The following RNF19A variants were observed in gnomAD, a reference collection of about 807,000 sequenced individuals.
RNF19A encodes the protein ring finger protein 19A, RBR E3 ubiquitin protein ligase.
In RNF19A, 32 loss-of-function variants were observed where a neutral mutation model predicts 75.7. The observed-to-expected ratio is 0.42, with a 90% CI of 0.32 to 0.57. The LOEUF (loss-of-function observed/expected upper bound fraction) is 0.57, where lower values mean the gene tolerates loss of function less well. Among genes scored for constraint, RNF19A ranks in the 20% least tolerant of loss-of-function variants. The pLI is 0.10. For synonymous variants in RNF19A, 335 were observed against 345.2 expected, an observed-to-expected ratio of 0.97 and a Z score of 0.33; for missense variants, 782 against 1,036.3, an observed-to-expected ratio of 0.75 and a Z score of 3.37.
At position 100,261,524 on chromosome 8, in the gene RNF19A, C is replaced by T. The variant is rs772252291; in HGVS notation, c.1682+18G>A. On this transcript the variant is annotated intron_variant, in intron 8 of 9. Coordinates refer to ENST00000341084, the MANE Select transcript of RNF19A (RefSeq NM_183419.4). This position sits in a 1 kb window ranked among gnomAD's most constrained non-coding sequence, Gnocchi z 4.4. ...GTAGTTACCAGAAAGCAGAACCAAA[C>T]CAAACCAAAACACACACCTGTTAAA... 4.3e-6 allele frequency: 7 copies of T among 1,611,186 alleles called. No individual in the cohort carries two copies. In the Admixed American group the frequency reaches 1.0e-4, roughly 23 times the overall value.
intron 1 of RNF19A, among the ~76,000 whole-genome samples, chr8:100,298,976 A>G (rs967843686): frequency 9.2e-5 from 14 of 152,220 alleles, no homozygotes; most frequent in African/African-American, 2.9e-4. Context: ...AGGTTTAAAA[A>G]AGATACCTAG....
In RNF19A at chr8:100,287,974, T is replaced by A; in HGVS notation, c.201A>T (p.Ile67=). Residue 67 remains isoleucine (I), a synonymous_variant, in exon 2 of 10, where the codon ATA becomes ATT. Coordinates refer to ENST00000341084, the MANE Select transcript of RNF19A (RefSeq NM_183419.4). The surrounding 1 kb of genome is among the most constrained non-coding windows in gnomAD (Gnocchi z 4.1). ...KKAPKKRRIS[I]GSLFRRKKDN... ...CTTTTTTCCTCCGAAACAGGGAGCC[T>A]ATTGAAATTCTTCTTTTTTTGGGTG... The A allele has an allele frequency of 6.2e-7, 1 of 1,614,200 alleles. No individual in the cohort carries two copies. Among genetic ancestry groups the A allele is most frequent in the South Asian group, 1.1e-5 (1 of 91,088 alleles).
chr8:100,292,512 G>A (rs1411071789), intron 1 of RNF19A, among the ~76,000 whole-genome samples: 1 of 150,492 alleles, frequency 6.6e-6, no homozygotes, highest in African/African-American at 2.5e-5. Context: ...TTCCAATGTA[G>A]AAATTTCAAA....
chr8:100,286,799 T>C lies in RNF19A; in HGVS notation c.674+702A>G, dbSNP rs576998030. On this transcript the variant is annotated intron_variant, in intron 2 of 9. Coordinates refer to ENST00000341084, the MANE Select transcript of RNF19A (RefSeq NM_183419.4). ...CATTAATTGTTTGTGGCTTTTACTA[T>C]TCCTGAATAGTATATGACTACTGTT... 4.6e-5 allele frequency among the ~76,000 whole-genome samples: 7 copies of C among 152,344 alleles called. No individual in the cohort carries two copies. In the East Asian group the frequency reaches 5.8e-4, roughly 13 times the overall value.
rs1400652015 is a variant in RNF19A, at chr8:100,317,823, A to G, written c.-242-4451T>C. ...ATGTGGCAGCTTGCTCAGGACACTCATGGCTTACACCTATTGTGGGGACCT... is the reference window on the plus strand; with the variant it reads ...ATGTGGCAGCTTGCTCAGGACACTCGTGGCTTACACCTATTGTGGGGACCT... On this transcript the variant is annotated intron_variant, in intron 1 of 3. Coordinates refer to the RNF19A transcript ENST00000519527. This position sits in a 1 kb window ranked among gnomAD's most constrained non-coding sequence, Gnocchi z 4.3. 2.0e-5 allele frequency among the ~76,000 whole-genome samples: 3 copies of G among 152,236 alleles called. No individual in the cohort carries two copies. Among genetic ancestry groups the G allele is most frequent in the African/African-American group, 7.2e-5 (3 of 41,450 alleles).
chr8:100,326,326 TTG>T (rs1002842809), intron 1 of RNF19A, among the ~76,000 whole-genome samples: 2 of 152,182 alleles, frequency 1.3e-5, no homozygotes, highest in Admixed American at 1.3e-4. Context: ...TATTCATTTC[TTG>T]TTGATTCCAG....
intron 3 of RNF19A, among the ~76,000 whole-genome samples, chr8:100,271,807 T>C (rs889268740): frequency 6.6e-6 from 1 of 152,154 alleles, no homozygotes. Flanking sequence ...GTGCACATTA[T>C]AGGATGATAT....
At chr8:100,336,045 T>C (rs1456346126) in intron 1 of RNF19A, 1 of 152,182 alleles carries the variant, frequency 6.6e-6, no homozygotes, top group African/African-American at 2.4e-5. Flanking sequence ...GCTAAAGGGA[T>C]ATACAGTACA....
chr8:100,302,134 G>C (rs1478773040), intron 1 of RNF19A, among the ~76,000 whole-genome samples: 1 of 152,216 alleles, frequency 6.6e-6, no homozygotes, highest in Non-Finnish European at 1.5e-5. Flanking sequence ...TATTCTAAGT[G>C]AGACAGGGAA....
In RNF19A at chr8:100,329,709, A is replaced by G. The variant is rs576650832; in HGVS notation, c.-243+6399T>C. Among the ~76,000 whole-genome samples the G allele has an allele frequency of 2.0e-4, 31 of 152,356 alleles. No individual in the cohort carries two copies. The highest frequency in any genetic ancestry group is 6.7e-4 in the African/African-American group (28 of 41,584). On this transcript the variant is annotated intron_variant, in intron 1 of 3. Transcript: ENST00000519527. This position sits in a 1 kb window ranked among gnomAD's most constrained non-coding sequence, Gnocchi z 4.3. ...AACTGGTTGTACTTGGCTAAGAGAG[A>G]AAAGACTAGAGCAGAAATGAAGTGT...
chr8:100,269,974 A>G lies in RNF19A; in HGVS notation c.923T>C (p.Ile308Thr). Residue 308 changes from isoleucine to threonine, a missense_variant, in exon 4 of 10, where the codon ATA becomes ACA. Around this residue, in one of 7 missense-constraint regions of RNF19A, gnomAD observed 31 missense variants for 48.8 expected, o/e 0.64. Coordinates refer to ENST00000341084, the MANE Select transcript of RNF19A (RefSeq NM_183419.4). This position sits in a 1 kb window ranked among gnomAD's most constrained non-coding sequence, Gnocchi z 5.7. ...GCAGCTCCCATCATTCATCTTTATT[A>G]TATAAGCAGCACATCGTGGACATGG... is the stretch of plus-strand genomic sequence containing the variant. ...IKPCPRCAAY[I>T]IKMNDGSCNH... 6.2e-7 allele frequency: 1 copy of G among 1,608,626 alleles called. No individual in the cohort carries two copies. The highest frequency in any genetic ancestry group is 1.3e-5 in the African/African-American group (1 of 74,810).
chr8:100,259,830 A>G lies in RNF19A; in HGVS notation c.1826+24T>C, dbSNP rs374513804. ...TCCTTTAATTTAAAAAATACTTTCAATTTTTTAACAGTTTTTTCCTTACTT... is the reference window on the plus strand; with the variant it reads ...TCCTTTAATTTAAAAAATACTTTCAGTTTTTTAACAGTTTTTTCCTTACTT... On this transcript the variant is annotated intron_variant, in intron 9 of 9. Coordinates refer to ENST00000341084, the MANE Select transcript of RNF19A (RefSeq NM_183419.4). The surrounding 1 kb of genome is among the most constrained non-coding windows in gnomAD (Gnocchi z 4.5). 8 of 1,590,706 alleles carry G rather than the reference A, an allele frequency of 5.0e-6. No individual in the cohort carries two copies. Among genetic ancestry groups the G allele is most frequent in the African/African-American group, 1.4e-5 (1 of 73,906 alleles).
Position 100,287,857 on chromosome 8 carries a change from G to A in RNF19A, c.318C>T (p.Asn106=). ...SIHSEMCTDK[N]SIFSTNTSSD... is the part of the protein sequence containing the mutation. ...AAGAGGTATTTGTAGAGAAAATGGAGTTCTTATCAGTACACATTTCAGAAT... is the reference window on the plus strand; with the variant it reads ...AAGAGGTATTTGTAGAGAAAATGGAATTCTTATCAGTACACATTTCAGAAT... The change falls in exon 2 of 10, where the codon AAC becomes AAT. Residue 106 remains asparagine (N), a synonymous_variant. Transcript: ENST00000341084. The surrounding 1 kb of genome is among the most constrained non-coding windows in gnomAD (Gnocchi z 4.1). The A allele has an allele frequency of 1.2e-6, 2 of 1,614,148 alleles. No individual in the cohort carries two copies. Among genetic ancestry groups the A allele is most frequent in the South Asian group, 2.2e-5 (2 of 91,082 alleles).
At position 100,269,721 on chromosome 8, in the gene RNF19A, CATA is replaced by C. The variant is rs1337639674; in HGVS notation, c.1028+145_1028+147del. 4 of 524,474 alleles carry C rather than the reference CATA, an allele frequency of 7.6e-6. No individual in the cohort carries two copies. The highest frequency in any genetic ancestry group is 4.1e-5 in the South Asian group (1 of 24,230). 32.5% of individuals were successfully genotyped at this position (524,474 alleles called of 1,614,324 possible). ...CTAGTTATTAATTCCAAATGACTAG[CATA>C]ATAACTTGGTTTCTTTTAAATTTAT... On this transcript the variant is annotated intron_variant, in intron 4 of 9. Transcript: ENST00000341084. The surrounding 1 kb of genome is among the most constrained non-coding windows in gnomAD (Gnocchi z 5.7).
At position 100,268,912 on chromosome 8, in the gene RNF19A, C is replaced by A; in HGVS notation, c.1064G>T (p.Trp355Leu). 2 of 1,596,982 alleles carry A rather than the reference C, an allele frequency of 1.3e-6. No homozygotes were observed. Among genetic ancestry groups the A allele is most frequent in the Non-Finnish European group, 1.7e-6 (2 of 1,170,390 alleles). The change falls in exon 5 of 10, where the codon TGG (tryptophan) becomes TTG (leucine). Residue 355 changes from tryptophan to leucine, a missense_variant. Coordinates refer to ENST00000341084, the MANE Select transcript of RNF19A (RefSeq NM_183419.4). ...SGCTFWGKKPWSRKKKILWQL... is the reference protein window; with the variant it reads ...SGCTFWGKKPLSRKKKILWQL... ...CCACAATATTTTCTTCTTTCGGCTC[C>A]AGGGTTTCTTCCCCCAAAAAGTACA...
At chr8:100,279,855 G>A (rs1320910549) in intron 2 of RNF19A, among the ~76,000 whole-genome samples, 2 of 151,930 alleles carry the variant, frequency 1.3e-5, no homozygotes, top group Non-Finnish European at 2.9e-5. Context: ...AGTAGGGATG[G>A]GGTTTTGCCA....
chr8:100,312,732 G>T (rs1788168), upstream of RNF19A, among the ~76,000 whole-genome samples: 69,911 of 151,864 alleles, frequency 0.46, 17,001 homozygotes, highest in African/African-American at 0.63. Context: ...GATACCAGCC[G>T]GGACAACATG....
intron 7 of RNF19A, among the ~76,000 whole-genome samples, chr8:100,262,002 A>G (rs1819741257): frequency 6.6e-6 from 1 of 152,220 alleles, no homozygotes; most frequent in Admixed American, 6.5e-5. Context: ...TTGTTAAAAA[A>G]TATCGCTGAC....
intron 1 of RNF19A, among the ~76,000 whole-genome samples, chr8:100,318,326 A>G (rs1231933544): frequency 6.6e-6 from 1 of 152,172 alleles, no homozygotes; most frequent in Non-Finnish European, 1.5e-5. Context: ...ATTTAAAAGG[A>G]TGTATTTTAT....
Sources: gnomAD v4.1 joint callset for allele counts (sites outside exome capture counted in the v4.1 genomes callset) on GRCh38, gnomAD v4.1.1 for gene constraint, gnomAD v4.1.1 regional missense constraint, Gnocchi (gnomAD v3.1) non-coding constraint, MANE v1.5 for transcripts, NCBI Gene and HGNC (gene_info 2026-07-23, HGNC 2026-07-21) for gene names.